Variants in ANK2 observed in about 807,000 individuals in gnomAD.
ANK2 encodes the protein ankyrin 2, also known as ankyrin-2.
Under a neutral mutation model 360.5 loss-of-function variants are expected in ANK2, and 83 were observed. The ratio of observed to expected loss-of-function variants is 0.23; its 90% CI spans 0.19 to 0.28. The LOEUF is 0.28. Ranked by LOEUF, ANK2 falls within the 10% of genes least tolerant of loss-of-function variation. The probability of loss-of-function intolerance (pLI) is 1.00; values close to 1 mark genes in which losing one functional copy is unlikely to be tolerated. For missense variants in ANK2, 4,201 were observed against 4,795.7 expected, an observed-to-expected ratio of 0.88 and a Z score of 3.66; for synonymous variants, 1,740 against 1,759.5, an observed-to-expected ratio of 0.99 and a Z score of 0.28.
chr4:113,367,986 AGGGG>A lies in ANK2; in HGVS notation c.11318+136_11318+139del. 17 of 1,087,252 alleles carry A rather than the reference AGGGG, an allele frequency of 1.6e-5. No homozygotes were observed. The Admixed American group carries it at 1.6e-4, about 10-fold the overall frequency. 67.4% of individuals were successfully genotyped at this position (1,087,252 alleles called of 1,614,324 possible). A position where few individuals can be genotyped will look rare whatever the true frequency, so the allele number is the denominator to read the frequency against. ...TACCAAACACAAGTGCCAGAGCTAA[AGGGG>A]AAAAAAAAAGCGTTAACATGTAAGA... On this transcript the variant is annotated intron_variant, in intron 42 of 45. Transcript: ENST00000357077.
chr4:113,374,910 C>A, intron 45 of ANK2: 2 of 1,234,288 alleles, frequency 1.6e-6, no homozygotes. Context: ...CTAGTTTAGC[C>A]ACTGATCTTC....
At chr4:112,763,640 T>G in the ANK2 span, among the ~76,000 whole-genome samples, 3 of 150,918 alleles carry the variant, frequency 2.0e-5, no homozygotes, top group South Asian at 6.4e-4. Context: ...TCAGCCATTC[T>G]CCTGCCTCAA....
intron 20 of ANK2, 57 bp from the exon 21 acceptor site, chr4:113,292,359 A>G (rs2068148917): frequency 1.4e-6 from 2 of 1,445,976 alleles, no homozygotes; most frequent in Admixed American, 3.8e-5. Context: ...AGGCTAACCT[A>G]ATTTTCCTCT....
At chr4:112,860,116 G>C (rs1039793707) in intron 1 of ANK2, among the ~76,000 whole-genome samples, 1 of 152,196 alleles carries the variant, frequency 6.6e-6, no homozygotes, top group Non-Finnish European at 1.5e-5. Context: ...ATTTGATTAA[G>C]TGCCATTTAC....
chr4:113,000,450 C>G (rs1451533121), intron 2 of ANK2, among the ~76,000 whole-genome samples: 2 of 152,116 alleles, frequency 1.3e-5, no homozygotes, highest in Non-Finnish European at 2.9e-5. Context: ...ATTCTTATCC[C>G]AAAGTGTCAT....
At chr4:112,710,014 T>G in the ANK2 span, among the ~76,000 whole-genome samples, 13 of 152,296 alleles carry the variant, frequency 8.5e-5, no homozygotes, top group East Asian at 2.5e-3. Context: ...CATTGAGACC[T>G]CCCATGTGGT....
intron 13 of ANK2, among the ~76,000 whole-genome samples, chr4:113,263,206 A>G (rs947620630): frequency 2.6e-5 from 4 of 151,390 alleles, no homozygotes; most frequent in East Asian, 1.9e-4. Flanking sequence ...AAAAAAAAAA[A>G]AAGAAGATCT....
intron 1 of ANK2, among the ~76,000 whole-genome samples, chr4:113,074,528 G>A (rs1376865698): frequency 6.6e-6 from 1 of 152,192 alleles, no homozygotes; most frequent in Non-Finnish European, 1.5e-5. Context: ...CTGTAGATAT[G>A]CAAAGGACAC....
intron 13 of ANK2, among the ~76,000 whole-genome samples, chr4:113,260,990 C>T (rs2052530672): frequency 6.6e-6 from 1 of 152,168 alleles, no homozygotes; most frequent in Non-Finnish European, 1.5e-5. Flanking sequence ...TGCTTCGATG[C>T]TTTTCAACTT....
At chr4:113,340,529 A>C (rs2094148147) in intron 32 of ANK2, among the ~76,000 whole-genome samples, 1 of 152,056 alleles carries the variant, frequency 6.6e-6, no homozygotes, top group Non-Finnish European at 1.5e-5. Flanking sequence ...CCTGTCTCTC[A>C]CAAAAAAGAT....
the ANK2 span, among the ~76,000 whole-genome samples, chr4:112,754,111 GTATATATATATATA>G: frequency 0.013 from 1,412 of 111,440 alleles, 69 homozygotes; most frequent in African/African-American, 0.044. Flanking sequence ...AAAAAAAAAA[GTATATATATATATA>G]TATATATATA....
intron 1 of ANK2, among the ~76,000 whole-genome samples, chr4:113,131,209 G>A (rs2096008642): frequency 6.6e-6 from 1 of 152,142 alleles, no homozygotes; most frequent in Non-Finnish European, 1.5e-5. Context: ...ACTACTTCAG[G>A]CTGGCAATCC....
At chr4:112,957,798 C>G (rs1462665044) in intron 2 of ANK2, among the ~76,000 whole-genome samples, 1 of 148,946 alleles carries the variant, frequency 6.7e-6, no homozygotes, top group Non-Finnish European at 1.5e-5. Context: ...ACTTCTCAGA[C>G]GGGGCGGCTG....
intron 1 of ANK2, among the ~76,000 whole-genome samples, chr4:112,862,227 A>G (rs2150115875): frequency 6.6e-6 from 1 of 152,362 alleles, no homozygotes; most frequent in Middle Eastern, 3.4e-3. Context: ...TTTTAAAAAT[A>G]GGAAGGAAGA....
chr4:113,210,919 G>A (rs1384635408), intron 4 of ANK2, among the ~76,000 whole-genome samples: 1 of 152,018 alleles, frequency 6.6e-6, no homozygotes, highest in Admixed American at 6.6e-5. Context: ...AGGAATAAGA[G>A]GACAAGGAAA....
intron 2 of ANK2, among the ~76,000 whole-genome samples, chr4:112,932,271 C>T (rs2093316802): frequency 6.6e-6 from 1 of 151,992 alleles, no homozygotes; most frequent in Admixed American, 6.6e-5. Context: ...GTGGGCGGAT[C>T]ACCTGAGGTC....
the ANK2 span, among the ~76,000 whole-genome samples, chr4:112,762,943 C>T: frequency 7.9e-5 from 12 of 152,200 alleles, no homozygotes; most frequent in Admixed American, 7.9e-4. Context: ...ACTGTTAAAA[C>T]CTTACGTTTT....
chr4:112,856,827 G>T (rs933301123), intron 1 of ANK2, among the ~76,000 whole-genome samples: 3 of 152,238 alleles, frequency 2.0e-5, no homozygotes, highest in African/African-American at 7.2e-5. Context: ...CACAACTGTT[G>T]TAATAGGGGA....
the ANK2 span, among the ~76,000 whole-genome samples, chr4:112,770,637 C>G: frequency 6.6e-6 from 1 of 151,188 alleles, no homozygotes; most frequent in Non-Finnish European, 1.5e-5. Context: ...ACTTGGGAGG[C>G]AGAGGTTGCA....
Sources: gnomAD v4.1 joint callset for allele counts (sites outside exome capture counted in the v4.1 genomes callset) on GRCh38, gnomAD v4.1.1 for gene constraint, MANE v1.5 for transcripts, NCBI Gene and HGNC (gene_info 2026-07-23, HGNC 2026-07-21) for gene names.